The following SPATA21 variants were observed in gnomAD, a reference collection of about 807,000 sequenced individuals.
SPATA21 encodes spermatogenesis-associated protein 21.
In SPATA21, 47 loss-of-function variants were observed where a neutral mutation model predicts 54.8. The ratio of observed to expected loss-of-function variants is 0.86; its 90% confidence interval spans 0.68 to 1.09. SPATA21 has a LOEUF of 1.09. Among genes scored for constraint, SPATA21 ranks in the 50% least tolerant of loss-of-function variants. The pLI is 0.00. For synonymous variants in SPATA21, 245 were observed against 235.3 expected (o/e 1.04, Z -0.38); for missense variants, 599 against 596.4 (o/e 1.00, Z -0.05).
Position 16,409,815 on chromosome 1 carries a change from G to A in SPATA21, c.373C>T (p.Pro125Ser). 12 of 1,598,694 alleles carry A rather than the reference G, an allele frequency of 7.5e-6. No homozygotes were observed. Among genetic ancestry groups the A allele is most frequent in the Non-Finnish European group, 1.0e-5 (12 of 1,173,160 alleles). The part of the protein sequence containing the change: ...RTLTPVPTSA[P>S]SLPQTPASVP... ...GAGGCAGGGGTCTGAGGCAGGCTTG[G>A]AGCTGAGGTGGGCACCGGGGTCAGG... is the stretch of plus-strand genomic sequence containing the variant. The change falls in exon 6 of 13, where the codon CCA becomes TCA. Residue 125 changes from proline to serine, a missense_variant. Pro to Ser is a moderately conservative substitution (Grantham distance 74). Transcript: ENST00000335496. The surrounding 1 kb of genome is among the most constrained non-coding windows in gnomAD (Gnocchi z 4.1).
At chr1:16,424,038 G>A (rs2086247483) in intron 3 of SPATA21, among the ~76,000 whole-genome samples, 1 of 151,474 alleles carries the variant, frequency 6.6e-6, no homozygotes, top group South Asian at 2.1e-4. Flanking sequence ...GGCTATGTTT[G>A]CTTTCTTGAT....
chr1:16,409,660 C>T lies in SPATA21; in HGVS notation c.528G>A (p.Trp176Ter), dbSNP rs2085768045. 6.2e-7 allele frequency: 1 copy of T among 1,613,254 alleles called. No individual in the cohort carries two copies. Among genetic ancestry groups the T allele is most frequent in the Admixed American group, 1.7e-5 (1 of 60,004 alleles). Residue 176 changes from tryptophan (W) to a stop codon, truncating the protein, a stop_gained, in exon 6 of 13, where the codon TGG becomes TGA. Transcript: ENST00000335496. LOFTEE classifies it high-confidence loss of function. The surrounding 1 kb of genome is among the most constrained non-coding windows in gnomAD (Gnocchi z 4.1). ...VLLGPALDLGWRRMELLHQSS... is the reference protein window; with the variant it reads ...VLLGPALDLG ...TCTGGTGCAAGAGTTCCATCCTTCTCCAGCCCAGGTCCAGGGCAGGGCCCA... is the reference window on the plus strand; with the variant it reads ...TCTGGTGCAAGAGTTCCATCCTTCTTCAGCCCAGGTCCAGGGCAGGGCCCA...
intron 8 of SPATA21, among the ~76,000 whole-genome samples, 155 bp downstream of exon 8, chr1:16,404,809 AAAC>A (rs1237452280): frequency 1.3e-5 from 2 of 152,336 alleles, no homozygotes; most frequent in South Asian, 4.1e-4. Context: ...ACCTCGTCTC[AAAC>A]AACAAGAACA....
At chr1:16,403,483 C>CTTTTCTTTTTTTTTTTT (rs2085517568) in intron 10 of SPATA21, among the ~76,000 whole-genome samples, 1 of 117,118 alleles carries the variant, frequency 8.5e-6, no homozygotes. Context: ...TAGTTTTTTT[C>CTTTTCTTTTTTTTTTTT]TTTTTTTTCT....
In SPATA21 at chr1:16,402,551, A is replaced by G. The variant is rs531808645; in HGVS notation, c.1001+1176T>C. Among the ~76,000 whole-genome samples, 11 of 144,994 alleles carry G rather than the reference A, an allele frequency of 7.6e-5. No individual in the cohort carries two copies. In the East Asian group the frequency reaches 9.3e-4, roughly 12 times the overall value. On this transcript the variant is annotated intron_variant, in intron 10 of 12. Transcript: ENST00000335496. ...GCTGGGATTACAGGCATGAGCCACC[A>G]TGCCTGGCTTTTCTTTTTTTTAAGA...
At chr1:16,418,774 T>C (rs182493435) in intron 5 of SPATA21, among the ~76,000 whole-genome samples, 2 of 152,172 alleles carry the variant, frequency 1.3e-5, no homozygotes, top group Non-Finnish European at 2.9e-5. Flanking sequence ...ACCCCTGACC[T>C]CAGGTGATCC....
intron 5 of SPATA21, among the ~76,000 whole-genome samples, chr1:16,417,299 C>T (rs1163900389): frequency 6.6e-6 from 1 of 152,128 alleles, no homozygotes; most frequent in Non-Finnish European, 1.5e-5. Context: ...TCACTCACTG[C>T]CTAGGCTAGA....
At chr1:16,434,293 T>C (rs933753196) in intron 1 of SPATA21, among the ~76,000 whole-genome samples, 1 of 151,518 alleles carries the variant, frequency 6.6e-6, no homozygotes, top group Non-Finnish European at 1.5e-5. Context: ...TTCTTTCTTT[T>C]TTTTTTTTTT....
intron 5 of SPATA21, among the ~76,000 whole-genome samples, chr1:16,418,753 G>A (rs868297817): frequency 1.3e-5 from 2 of 152,016 alleles, no homozygotes; most frequent in Middle Eastern, 3.2e-3. Context: ...TTTTGGCCAG[G>A]CTGGTCTTGA....
At chr1:16,433,646 G>A (rs567945617) in intron 1 of SPATA21, among the ~76,000 whole-genome samples, 1 of 152,128 alleles carries the variant, frequency 6.6e-6, no homozygotes, top group African/African-American at 2.4e-5. Context: ...GAAGTTTTAC[G>A]GAGGCAGAAG....
In SPATA21 at chr1:16,428,319, C is replaced by T. The variant is rs2086373035; in HGVS notation, c.34+3019G>A. Among the ~76,000 whole-genome samples, 1 of 152,228 alleles carries T rather than the reference C, an allele frequency of 6.6e-6. No homozygotes were observed. Among genetic ancestry groups the T allele is most frequent in the African/African-American group, 2.4e-5 (1 of 41,478 alleles). ...AAGAGCACCCTGGGGGACCCCAAGA[C>T]TCTCACAAGGTCCAAGAGACGCCTT... On this transcript the variant is annotated intron_variant, in intron 3 of 12. Coordinates refer to ENST00000335496, the MANE Select transcript of SPATA21 (RefSeq NM_198546.1). The surrounding 1 kb of genome is among the most constrained non-coding windows in gnomAD (Gnocchi z 4.3).
chr1:16,395,902 G>A (rs2085303256), downstream of SPATA21: 1 of 152,736 alleles, frequency 6.5e-6, no homozygotes, highest in Admixed American at 6.5e-5. Flanking sequence ...GGGCATCTGG[G>A]CCTTGCCTGG....
At chr1:16,417,063 G>A (rs1273001769) in intron 5 of SPATA21, among the ~76,000 whole-genome samples, 1 of 152,136 alleles carries the variant, frequency 6.6e-6, no homozygotes, top group Non-Finnish European at 1.5e-5. Flanking sequence ...ACCAGTACAC[G>A]GTGAGCCTGC....
At chr1:16,408,502 A>G in intron 7 of SPATA21, 1 of 985,536 alleles carries the variant, frequency 1.0e-6, no homozygotes, top group African/African-American at 1.7e-5. Flanking sequence ...CAAAACCTAA[A>G]GCACTGTGCA....
chr1:16,411,796 AAAAAAAAAAAAAC>A (rs1408950272), intron 5 of SPATA21, among the ~76,000 whole-genome samples: 1 of 124,982 alleles, frequency 8.0e-6, no homozygotes, highest in African/African-American at 3.0e-5. Context: ...TCTCAAAAAA[AAAAAAAAAAAAAC>A]AAAACAAAAC....
In SPATA21 at chr1:16,404,842, G is replaced by C. The variant is rs548099495; in HGVS notation, c.811+125C>G. Reference sequence around the variant, plus strand: ...AGAACAACAAAGGCATTTCTAGACTGTGACAGTAGAGCATTAAACCAAGCA... The same window carrying C: ...AGAACAACAAAGGCATTTCTAGACTCTGACAGTAGAGCATTAAACCAAGCA... On this transcript the variant is annotated intron_variant, in intron 8 of 12. Transcript: ENST00000335496. The C allele has an allele frequency of 4.6e-5, 50 of 1,094,582 alleles. No homozygotes were observed. In the African/African-American group the frequency reaches 7.4e-4, roughly 16 times the overall value. The allele number at this position is 1,094,582 out of a possible 1,614,324, so 67.8% of individuals were successfully genotyped here. A position where few individuals can be genotyped will look rare whatever the true frequency, so the allele number is the denominator to read the frequency against.
intron 3 of SPATA21, among the ~76,000 whole-genome samples, chr1:16,426,579 A>T (rs12061067): frequency 0.017 from 1,858 of 107,116 alleles, 31 homozygotes; most frequent in African/African-American, 0.028. Flanking sequence ...ATATATATAT[A>T]TTTTTTTTTT....
intron 3 of SPATA21, among the ~76,000 whole-genome samples, chr1:16,426,591 T>C (rs1242038342): frequency 8.2e-6 from 1 of 122,102 alleles, no homozygotes; most frequent in Non-Finnish European, 1.8e-5. Flanking sequence ...TTTTTTTTTT[T>C]TTTTTTGAGA....
intron 3 of SPATA21, chr1:16,427,744 G>C: frequency 9.4e-7 from 1 of 1,061,868 alleles, no homozygotes; most frequent in Non-Finnish European, 1.3e-6. Context: ...AGAAGGACAA[G>C]GTGCTGTCGT....
Sources: allele counts gnomAD v4.1 joint callset (sites outside exome capture counted in the v4.1 genomes callset), GRCh38; gene constraint gnomAD v4.1.1; non-coding constraint Gnocchi (gnomAD v3.1); transcripts MANE v1.5; gene names NCBI Gene and HGNC (gene_info 2026-07-23, HGNC 2026-07-21).